The following CLIC5 variants were observed in gnomAD, a reference collection of about 807,000 sequenced individuals.
CLIC5 encodes the protein CLIC family member 5.
CLIC5 carries 20 observed loss-of-function variants against 24.7 expected under a neutral mutation model. That is an observed-to-expected ratio of 0.81 (90% CI 0.57 to 1.18). The LOEUF (loss-of-function observed/expected upper bound fraction) is 1.18. Ranked by LOEUF, CLIC5 falls within the 50% of genes most tolerant of loss-of-function variation. The pLI, the probability that CLIC5 is intolerant of heterozygous loss-of-function variation, is 0.00. For missense variants in CLIC5, 341 were observed against 326.1 expected (o/e 1.05, Z -0.35); for synonymous variants, 159 against 135.6 (o/e 1.17, Z -1.20).
At chr6:45,912,192 C>T (rs1256547723) in intron 5 of CLIC5, 10 of 986,544 alleles carry the variant, frequency 1.0e-5, no homozygotes, top group Non-Finnish European at 1.2e-5. Context: ...TTCCCCTTCG[C>T]TCTTTGTGAA....
intron 1 of CLIC5, among the ~76,000 whole-genome samples, chr6:45,965,690 G>T (rs867211567): frequency 1.3e-5 from 2 of 152,148 alleles, no homozygotes; most frequent in African/African-American, 4.8e-5. Flanking sequence ...TGAAGAAGAG[G>T]TCTCCTCACT....
intron 1 of CLIC5, among the ~76,000 whole-genome samples, chr6:46,076,152 G>T (rs1429084070): frequency 1.3e-5 from 2 of 152,162 alleles, no homozygotes; most frequent in African/African-American, 4.8e-5. Flanking sequence ...AGTGAGTGAG[G>T]TTCCCCTAGT....
chr6:45,934,511 C>T (rs1390287375), intron 4 of CLIC5, among the ~76,000 whole-genome samples: 1 of 152,162 alleles, frequency 6.6e-6, no homozygotes, highest in Non-Finnish European at 1.5e-5. Flanking sequence ...GTGCAGGTCG[C>T]CTGGGAGGCC....
chr6:45,959,894 C>T (rs902605086), intron 1 of CLIC5, among the ~76,000 whole-genome samples: 1 of 152,094 alleles, frequency 6.6e-6, no homozygotes, highest in Non-Finnish European at 1.5e-5. Flanking sequence ...ATTTTTAATG[C>T]TTCATCAAGG....
At chr6:45,933,518 A>G (rs1413617944) in intron 4 of CLIC5, among the ~76,000 whole-genome samples, 2 of 152,232 alleles carry the variant, frequency 1.3e-5, no homozygotes, top group Non-Finnish European at 2.9e-5. Context: ...CCAGCACGTC[A>G]CAGATACCAA....
intron 1 of CLIC5, among the ~76,000 whole-genome samples, chr6:46,078,306 G>A (rs1183392349): frequency 1.3e-5 from 2 of 152,074 alleles, no homozygotes; most frequent in Admixed American, 6.6e-5. Context: ...GTTGCAGTGA[G>A]CTGAGATCAT....
intron 1 of CLIC5, among the ~76,000 whole-genome samples, chr6:46,042,171 T>A (rs559739749): frequency 6.6e-6 from 1 of 152,310 alleles, no homozygotes; most frequent in East Asian, 1.9e-4. Context: ...ATCACTCTTT[T>A]TAAAAATTAA....
chr6:45,886,901 T>G (rs1376453357), intron 6 of CLIC5, among the ~76,000 whole-genome samples: 1 of 152,182 alleles, frequency 6.6e-6, no homozygotes, highest in Non-Finnish European at 1.5e-5. Context: ...GCTTCTGATC[T>G]CCTGATCATT....
Position 45,930,335 on chromosome 6 carries a change from G to A in CLIC5, c.406+11212C>T, listed in dbSNP as rs558647319. On this transcript the variant is annotated intron_variant, in intron 4 of 5. Transcript: ENST00000339561. ...ACTCGAGATTGTAGAAGGAGAAGAGGAAAGGGAGAAAGAAGCATTTGGGGG... is the reference window on the plus strand; with the variant it reads ...ACTCGAGATTGTAGAAGGAGAAGAGAAAAGGGAGAAAGAAGCATTTGGGGG... 9.8e-5 allele frequency among the ~76,000 whole-genome samples: 15 copies of A among 152,292 alleles called. No individual in the cohort carries two copies. The East Asian group carries it at 2.9e-3, about 29-fold the overall frequency.
the CLIC5 span, among the ~76,000 whole-genome samples, chr6:46,119,409 A>T: frequency 2.0e-5 from 3 of 152,208 alleles, no homozygotes; most frequent in Admixed American, 6.5e-5. Flanking sequence ...TTTAGATACA[A>T]GTAGTAGAAA....
At chr6:45,930,153 C>T (rs1443119843) in intron 4 of CLIC5, among the ~76,000 whole-genome samples, 2 of 151,282 alleles carry the variant, frequency 1.3e-5, no homozygotes, top group Non-Finnish European at 2.9e-5. Flanking sequence ...TCCCCACCTA[C>T]CCCCCAGCAG....
At chr6:46,009,486 C>T (rs185075792) in intron 1 of CLIC5, among the ~76,000 whole-genome samples, 1 of 152,114 alleles carries the variant, frequency 6.6e-6, no homozygotes, top group African/African-American at 2.4e-5. Flanking sequence ...TACAGAACTA[C>T]ATCTTAGGAA....
At chr6:45,937,473 A>G (rs1462759701) in intron 4 of CLIC5, 1 of 152,208 alleles carries the variant, frequency 6.6e-6, no homozygotes, top group Non-Finnish European at 1.5e-5. Flanking sequence ...GCTCAGAAAG[A>G]ATAAGCCTCT....
chr6:45,989,037 G>A (rs1765838749), intron 1 of CLIC5, among the ~76,000 whole-genome samples: 1 of 152,228 alleles, frequency 6.6e-6, no homozygotes, highest in Non-Finnish European at 1.5e-5. Flanking sequence ...CCCATGGCTA[G>A]AACTGCTCTG....
chr6:45,935,821 GA>G (rs1219537746), intron 4 of CLIC5, among the ~76,000 whole-genome samples: 7 of 152,142 alleles, frequency 4.6e-5, no homozygotes, highest in Non-Finnish European at 8.8e-5. Context: ...TTCCACATGA[GA>G]AAAGCAGACA....
At chr6:45,996,442 A>AT (rs1016115346) in intron 1 of CLIC5, among the ~76,000 whole-genome samples, 62 of 152,264 alleles carry the variant, frequency 4.1e-4, no homozygotes, top group Non-Finnish European at 8.1e-4. Context: ...CCTGAATGGT[A>AT]TTGCCTAGGT....
chr6:46,062,659 A>G (rs1762318506), intron 1 of CLIC5, among the ~76,000 whole-genome samples: 1 of 152,224 alleles, frequency 6.6e-6, no homozygotes, highest in East Asian at 1.9e-4. Context: ...TGCTTCATGC[A>G]CAGGGAGAGT....
the CLIC5 span, among the ~76,000 whole-genome samples, chr6:46,091,332 A>G: frequency 1.3e-5 from 2 of 152,176 alleles, no homozygotes; most frequent in Non-Finnish European, 2.9e-5. Flanking sequence ...TCCACATATA[A>G]GTGAGATCAT....
intron 1 of CLIC5, among the ~76,000 whole-genome samples, chr6:45,965,225 G>C (rs1023475650): frequency 1.4e-4 from 21 of 152,168 alleles, no homozygotes; most frequent in African/African-American, 5.1e-4. Flanking sequence ...AAGGGAGAGA[G>C]GGAAAAGTGA....
Sources: allele counts gnomAD v4.1 joint callset (sites outside exome capture counted in the v4.1 genomes callset), GRCh38; gene constraint gnomAD v4.1.1; transcripts MANE v1.5; gene names NCBI Gene and HGNC (gene_info 2026-07-23, HGNC 2026-07-21).